The following SAMD5 variants were observed in gnomAD, a reference collection of about 807,000 sequenced individuals.
SAMD5 encodes sterile alpha motif domain containing 5, also known as sterile alpha motif domain-containing protein 5.
In SAMD5, 13 loss-of-function variants were observed where a neutral mutation model predicts 11.3. The observed-to-expected ratio is 1.15, with a 90% CI of 0.75 to 1.83. The LOEUF (loss-of-function observed/expected upper bound fraction) is 1.83, where lower values mean the gene tolerates loss of function less well. SAMD5 is among the 40% of genes most tolerant of loss of function. The pLI is 0.00. For missense variants in SAMD5, 255 were observed against 239.1 expected, an observed-to-expected ratio of 1.07 and a Z score of -0.44; for synonymous variants, 129 against 111.3, an observed-to-expected ratio of 1.16 and a Z score of -1.00.
chr6:147,671,918 A>ATTTTT (rs1790801908), intron 1 of SAMD5, among the ~76,000 whole-genome samples: 1 of 116,032 alleles, frequency 8.6e-6, no homozygotes, highest in African/African-American at 4.1e-5. Context: ...TTTTTAGCTC[A>ATTTTT]TCTTGCACAT....
At chr6:147,767,192 G>GTTCTCTTTC in the SAMD5 span, among the ~76,000 whole-genome samples, 2 of 152,188 alleles carry the variant, frequency 1.3e-5, no homozygotes, top group Non-Finnish European at 2.9e-5. Flanking sequence ...CTTAGGTTGG[G>GTTCTCTTTC]TTCCCTGTAA....
chr6:147,878,596 C>CTAG, the SAMD5 span, among the ~76,000 whole-genome samples: 575 of 143,584 alleles, frequency 4.0e-3, 5 homozygotes, highest in East Asian at 0.059. Flanking sequence ...GATATATATA[C>CTAG]ATATATATCT....
chr6:147,513,145 G>A (rs1317933305), intron 1 of SAMD5, among the ~76,000 whole-genome samples: 3 of 152,228 alleles, frequency 2.0e-5, no homozygotes, highest in Non-Finnish European at 4.4e-5. Context: ...AAAGTGGCAG[G>A]AGATGGAGAG....
In SAMD5 at chr6:147,696,147, T is replaced by C. The variant is rs547445414; in HGVS notation, c.163-41170T>C. 2.6e-5 allele frequency among the ~76,000 whole-genome samples: 4 copies of C among 152,196 alleles called. No homozygotes were observed. In the South Asian group the frequency reaches 8.3e-4, roughly 32 times the overall value. On this transcript the variant is annotated intron_variant, in intron 1 of 1. Transcript: ENST00000566741. The stretch of plus-strand genomic sequence containing the variant: ...GAGGAACCCTACTTCTTCTGTGCTC[T>C]TTGTCTCAACCCCCTCCCCCAACTC...
At chr6:147,599,425 A>C (rs1789583147) in intron 1 of SAMD5, among the ~76,000 whole-genome samples, 1 of 152,246 alleles carries the variant, frequency 6.6e-6, no homozygotes, top group African/African-American at 2.4e-5. Flanking sequence ...CTGTGAGCAC[A>C]TTTTAATTAT....
intron 1 of SAMD5, among the ~76,000 whole-genome samples, chr6:147,611,204 C>T (rs1372792552): frequency 6.6e-6 from 1 of 151,970 alleles, no homozygotes; most frequent in Non-Finnish European, 1.5e-5. Context: ...AGTTAAGAAG[C>T]CCAGCTCTGG....
chr6:147,634,616 C>T (rs191251002), intron 1 of SAMD5, among the ~76,000 whole-genome samples: 5 of 152,132 alleles, frequency 3.3e-5, no homozygotes, highest in African/African-American at 7.2e-5. Flanking sequence ...TTAGTTCTTT[C>T]GTTTTCTTGA....
chr6:147,801,012 G>T, the SAMD5 span, among the ~76,000 whole-genome samples: 3 of 151,928 alleles, frequency 2.0e-5, no homozygotes, highest in South Asian at 6.2e-4. Flanking sequence ...TGTAATACAT[G>T]TATTTTATTA....
chr6:147,884,158 C>T, the SAMD5 span, among the ~76,000 whole-genome samples: 5 of 151,244 alleles, frequency 3.3e-5, no homozygotes, highest in African/African-American at 4.9e-5. Context: ...ATAGAGAGTA[C>T]TGAGGCTCTG....
At chr6:147,860,646 A>G in the SAMD5 span, among the ~76,000 whole-genome samples, 1 of 152,294 alleles carries the variant, frequency 6.6e-6, no homozygotes, top group South Asian at 2.1e-4. Flanking sequence ...CCCCACATGC[A>G]CTTTGGATGA....
chr6:147,590,592 T>C (rs1199775789), intron 1 of SAMD5, among the ~76,000 whole-genome samples: 2 of 152,128 alleles, frequency 1.3e-5, no homozygotes, highest in Non-Finnish European at 2.9e-5. Flanking sequence ...TTTGTACTTT[T>C]TGTAGAGACA....
At chr6:147,688,723 T>C (rs1478302815) in intron 1 of SAMD5, among the ~76,000 whole-genome samples, 1 of 152,236 alleles carries the variant, frequency 6.6e-6, no homozygotes, top group East Asian at 1.9e-4. Context: ...GCTTCTCTCA[T>C]CTTAAGGATT....
chr6:147,801,451 A>G, the SAMD5 span, among the ~76,000 whole-genome samples: 3 of 152,148 alleles, frequency 2.0e-5, no homozygotes, highest in Admixed American at 6.5e-5. Flanking sequence ...AGAGGTAAAC[A>G]CAGGAACCAA....
chr6:147,642,447 T>G (rs550914271), intron 1 of SAMD5, among the ~76,000 whole-genome samples: 1 of 152,064 alleles, frequency 6.6e-6, no homozygotes, highest in Non-Finnish European at 1.5e-5. Flanking sequence ...CTAAGTTAGG[T>G]GCCACTTTAA....
chr6:147,653,883 C>T (rs1790528475), intron 1 of SAMD5, among the ~76,000 whole-genome samples: 1 of 152,114 alleles, frequency 6.6e-6, no homozygotes, highest in Non-Finnish European at 1.5e-5. Context: ...TCATTGTGAG[C>T]TCTAAGATAT....
Position 147,566,085 on chromosome 6 carries a change from A to T in SAMD5, c.*1629A>T. The T allele has an allele frequency of 1.0e-6, 1 of 982,658 alleles. No homozygotes were observed. Among genetic ancestry groups the T allele is most frequent in the Non-Finnish European group, 1.2e-6 (1 of 827,444 alleles). 60.9% of individuals were successfully genotyped at this position (982,658 alleles called of 1,614,324 possible). A position where few individuals can be genotyped will look rare whatever the true frequency, so the allele number is the denominator to read the frequency against. On this transcript the variant is annotated 3_prime_UTR_variant, in exon 2 of 2. Transcript: ENST00000367474. Reference sequence around the variant, plus strand: ...GAAGGATATTAGGTTTCTAAGGACAATTTTAACACAATACTGCTTTAAAAA... The same window carrying T: ...GAAGGATATTAGGTTTCTAAGGACATTTTTAACACAATACTGCTTTAAAAA...
intron 1 of SAMD5, among the ~76,000 whole-genome samples, chr6:147,683,061 GACAGAAGGCA>G: frequency 6.6e-6 from 1 of 152,220 alleles, no homozygotes; most frequent in Non-Finnish European, 1.5e-5. Context: ...TGAATAAATA[GACAGAAGGCA>G]ACTTCATCCA....
intron 1 of SAMD5, among the ~76,000 whole-genome samples, chr6:147,546,723 G>A (rs1207247879): frequency 6.6e-6 from 1 of 152,166 alleles, no homozygotes; most frequent in Non-Finnish European, 1.5e-5. Context: ...GTCTGCTGTA[G>A]TATGTAAAAT....
the SAMD5 span, among the ~76,000 whole-genome samples, chr6:147,950,342 T>C: frequency 6.6e-6 from 1 of 152,202 alleles, no homozygotes; most frequent in Non-Finnish European, 1.5e-5. Context: ...CTGCTCTGCC[T>C]ATCTGCAGCC....
Sources: allele counts gnomAD v4.1 joint callset (sites outside exome capture counted in the v4.1 genomes callset), GRCh38; gene constraint gnomAD v4.1.1; transcripts MANE v1.5; gene names NCBI Gene and HGNC (gene_info 2026-07-23, HGNC 2026-07-21).